The following KLKB1 variants were observed in gnomAD, a reference collection of about 807,000 sequenced individuals.
KLKB1 encodes plasma kallikrein.
A neutral mutation model predicts 73.6 loss-of-function variants in KLKB1; 58 were observed. The ratio of observed to expected loss-of-function variants is 0.79; its 90% CI spans 0.64 to 0.98. The LOEUF is 0.98. KLKB1 is among the 50% of genes least tolerant of loss of function. The probability of loss-of-function intolerance (pLI) is 0.00; values close to 1 mark genes in which losing one functional copy is unlikely to be tolerated. For missense variants in KLKB1, 737 were observed against 763.8 expected (o/e 0.96, Z 0.41); for synonymous variants, 280 against 258.1 (o/e 1.08, Z -0.81).
rs865850009 is a variant in KLKB1 at position 186,232,141 on chromosome 4, C to T, written c.73C>T (p.Leu25Phe). Residue 25 changes from leucine to phenylalanine, a missense_variant, in exon 3 of 15, where the codon CTC becomes TTC. Coordinates refer to ENST00000264690, the MANE Select transcript of KLKB1 (RefSeq NM_000892.5). ...ATVSCGCLTQLYENAFFRGGD... is the reference protein window; with the variant it reads ...ATVSCGCLTQFYENAFFRGGD... The stretch of plus-strand genomic sequence containing the variant: ...TTCTGTCACAGGATGTCTGACTCAA[C>T]TCTATGAAAACGCCTTCTTCAGAGG... 3 of 1,611,840 alleles carry T rather than the reference C, an allele frequency of 1.9e-6. No homozygotes were observed. The highest frequency in any genetic ancestry group is 2.5e-6 in the Non-Finnish European group (3 of 1,178,560).
In KLKB1 at chr4:186,251,545, G is replaced by T. The variant is rs1211463741; in HGVS notation, c.927G>T (p.Val309=). The change falls in exon 9 of 15, where the codon GTG becomes GTT. Residue 309 remains valine, a synonymous_variant. Coordinates refer to ENST00000264690, the MANE Select transcript of KLKB1 (RefSeq NM_000892.5). ...ACTTTGGAGGAGAAGAATTGAATGT[G>T]ACTTTTGTTAAAGGAGTGAATGTTT... ...GVDFGGEELN[V]TFVKGVNVCQ... 3 of 1,614,064 alleles carry T rather than the reference G, an allele frequency of 1.9e-6. No homozygotes were observed. In the East Asian group the frequency reaches 6.7e-5, roughly 36 times the overall value.
rs773453149 is a variant in KLKB1 at position 186,250,220 on chromosome 4, ATCT to A, written c.599-19_599-17del. ...AGCCTCATGTCATTTCCTAAGGAAC[ATCT>A]TCTCTCTGTGAGTTCACAGGTTGCC... On this transcript the variant is annotated intron_variant, in intron 6 of 14. Coordinates refer to ENST00000264690, the MANE Select transcript of KLKB1 (RefSeq NM_000892.5). The A allele has an allele frequency of 5.6e-6, 9 of 1,612,220 alleles. No individual in the cohort carries two copies. The highest frequency in any genetic ancestry group is 5.9e-6 in the Non-Finnish European group (7 of 1,178,304).
rs536819948 is a variant in KLKB1 at position 186,242,553 on chromosome 4, A to G, written c.598+4188A>G. 8.9e-4 allele frequency among the ~76,000 whole-genome samples: 135 copies of G among 152,318 alleles called. 1 individual carries two copies. The highest frequency in any genetic ancestry group is 1.5e-3 in the Non-Finnish European group (100 of 68,042). On this transcript the variant is annotated intron_variant, in intron 6 of 14. Coordinates refer to ENST00000264690, the MANE Select transcript of KLKB1 (RefSeq NM_000892.5). The stretch of plus-strand genomic sequence containing the variant: ...TTGTTAGAAGCAGCATTTGTCATAT[A>G]GAATGATTGGTGATGGCCTGGATAT...
chr4:186,238,259 CAAT>C lies in KLKB1; in HGVS notation c.493_495del (p.Asn165del). 1 of 1,606,616 alleles carries C rather than the reference CAAT, an allele frequency of 6.2e-7. No homozygotes were observed. The highest frequency in any genetic ancestry group is 8.5e-7 in the Non-Finnish European group (1 of 1,173,184). Reference sequence around the variant, plus strand: ...AACCTCTTTTCTTCCCATTCAGGAACAATTGCCTATTAAAGTACAGTCCCGGAG... The same window carrying C: ...AACCTCTTTTCTTCCCATTCAGGAACTGCCTATTAAAGTACAGTCCCGGAG... On this transcript the variant is annotated inframe_deletion, in exon 6 of 15. Coordinates refer to ENST00000264690, the MANE Select transcript of KLKB1 (RefSeq NM_000892.5).
rs1216787367 is a variant in KLKB1 at position 186,258,270 on chromosome 4, C to T, written c.*58C>T. The T allele has an allele frequency of 2.1e-6, 3 of 1,422,906 alleles. No homozygotes were observed. The highest frequency in any genetic ancestry group is 2.8e-5 in the African/African-American group (2 of 70,872). 88.1% of individuals were successfully genotyped at this position (1,422,906 alleles called of 1,614,324 possible). A position where few individuals can be genotyped will look rare whatever the true frequency, so the allele number is the denominator to read the frequency against. On this transcript the variant is annotated 3_prime_UTR_variant, in exon 15 of 15. Transcript: ENST00000264690. ...CCTGAGTTCAAGTCAAATTCTGAGC[C>T]TGGGGGGTCCTCATCTGCAAAGCAT...
At chr4:186,247,874 C>T (rs951167165) in intron 6 of KLKB1, among the ~76,000 whole-genome samples, 14 of 152,100 alleles carry the variant, frequency 9.2e-5, no homozygotes, top group African/African-American at 2.4e-4. Flanking sequence ...TGTACAACTC[C>T]GTGGTTTTTA....
chr4:186,217,116 T>G (rs1194579713), intron 2 of KLKB1, among the ~76,000 whole-genome samples: 1 of 152,250 alleles, frequency 6.6e-6, no homozygotes, highest in Non-Finnish European at 1.5e-5. Context: ...TACAGAGGTT[T>G]TTTTAGTTTT....
Position 186,233,977 on chromosome 4 carries a change from G to A in KLKB1, c.247G>A (p.Val83Ile). 1 of 1,613,914 alleles carries A rather than the reference G, an allele frequency of 6.2e-7. No individual in the cohort carries two copies. The highest frequency in any genetic ancestry group is 8.5e-7 in the Non-Finnish European group (1 of 1,179,830). ...KRFGCFLKDS[V>I]TGTLPKVHRT... ...GTTTGGTTGCTTCTTGAAAGATAGT[G>A]TTACAGGAACCCTGCCAAAAGTACA... The change falls in exon 4 of 15, where the codon GTT becomes ATT. Residue 83 changes from valine to isoleucine, a missense_variant. Transcript: ENST00000264690.
chr4:186,227,791 A>G (rs1336784333), intron 1 of KLKB1, among the ~76,000 whole-genome samples: 2 of 152,188 alleles, frequency 1.3e-5, no homozygotes, highest in African/African-American at 4.8e-5. Flanking sequence ...AAATTTTTAA[A>G]TGGGCTTTAA....
chr4:186,235,718 T>C (rs1204442469), intron 4 of KLKB1, among the ~76,000 whole-genome samples: 1 of 152,196 alleles, frequency 6.6e-6, no homozygotes, highest in East Asian at 1.9e-4. Flanking sequence ...TTATGGTTTA[T>C]TCCACATAAT....
chr4:186,212,396 A>T (rs1381996247), intron 2 of KLKB1: 1 of 152,246 alleles, frequency 6.6e-6, no homozygotes, highest in Admixed American at 6.5e-5. Context: ...GATCATACTT[A>T]TGAAGGTGAT....
chr4:186,245,842 C>A (rs1738317982), intron 6 of KLKB1, among the ~76,000 whole-genome samples: 4 of 82,260 alleles, frequency 4.9e-5, no homozygotes, highest in African/African-American at 1.2e-4. Flanking sequence ...TTTTTAATGT[C>A]AGGAGCTGAC....
At chr4:186,215,245 TAA>T (rs200208661) in intron 2 of KLKB1, among the ~76,000 whole-genome samples, 35 of 141,014 alleles carry the variant, frequency 2.5e-4, no homozygotes, top group Non-Finnish European at 2.5e-4. Context: ...AGCTGAATAG[TAA>T]AAAAAAAAAA....
intron 2 of KLKB1, among the ~76,000 whole-genome samples, chr4:186,215,209 A>T (rs1202236319): frequency 3.3e-5 from 5 of 151,196 alleles, no homozygotes; most frequent in Non-Finnish European, 4.4e-5. Flanking sequence ...TTCAGATTCC[A>T]TATATAGTTT....
chr4:186,233,323 T>G (rs1185668648), intron 3 of KLKB1, among the ~76,000 whole-genome samples: 1 of 152,244 alleles, frequency 6.6e-6, no homozygotes, highest in Non-Finnish European at 1.5e-5. Context: ...TTCTTTGTTG[T>G]TCCCATTTCC....
intron 6 of KLKB1, among the ~76,000 whole-genome samples, chr4:186,245,444 G>A (rs1250378706): frequency 1.3e-5 from 2 of 152,206 alleles, no homozygotes; most frequent in Non-Finnish European, 2.9e-5. Context: ...AGGGGCTCTG[G>A]GAGTGGCAGC....
At chr4:186,253,250 A>G (rs975829966) in intron 11 of KLKB1, among the ~76,000 whole-genome samples, 3 of 152,154 alleles carry the variant, frequency 2.0e-5, no homozygotes, top group Non-Finnish European at 2.9e-5. Flanking sequence ...ATACTAGAAG[A>G]CACTTGATTT....
rs766672621 is a variant in KLKB1 at position 186,258,211 on chromosome 4, G to A, written c.1916G>A (p.Ter639=). Residue 639 remains the stop codon, a stop_retained_variant, in exon 15 of 15, where the codon TGA becomes TAA. Coordinates refer to ENST00000264690, the MANE Select transcript of KLKB1 (RefSeq NM_000892.5). The stretch of plus-strand genomic sequence containing the variant: ...AAAGCTCAGATGCAGTCACCAGCAT[G>A]AGAAGCAGTCCAGAGTCTAGGCAAT... ...DGKAQMQSPA[*] 8.7e-6 allele frequency: 14 copies of A among 1,613,480 alleles called. No individual in the cohort carries two copies. Among genetic ancestry groups the A allele is most frequent in the African/African-American group, 2.7e-5 (2 of 74,918 alleles).
At chr4:186,239,924 ATATTGT>A (rs1404873814) in intron 6 of KLKB1, among the ~76,000 whole-genome samples, 7 of 148,472 alleles carry the variant, frequency 4.7e-5, no homozygotes, top group South Asian at 2.1e-4. Flanking sequence ...AGGTACAGTG[ATATTGT>A]TATAGTTATA....
Sources: gnomAD v4.1 joint callset for allele counts (sites outside exome capture counted in the v4.1 genomes callset) on GRCh38, gnomAD v4.1.1 for gene constraint, MANE v1.5 for transcripts, NCBI Gene and HGNC (gene_info 2026-07-23, HGNC 2026-07-21) for gene names.